Variants in LGSN observed in about 807,000 individuals in gnomAD.
The protein encoded by LGSN is lengsin.
Under a neutral mutation model 19.5 loss-of-function variants are expected in LGSN, and 21 were observed. The ratio of observed to expected loss-of-function variants is 1.07; its 90% confidence interval spans 0.76 to 1.55. The LOEUF is 1.55. Ranked by LOEUF, LGSN falls within the 40% of genes most tolerant of loss-of-function variation. The pLI, the probability that LGSN is intolerant of heterozygous loss-of-function variation, is 0.00. For missense variants in LGSN, 673 were observed against 608.5 expected (o/e 1.11, Z -1.12); for synonymous variants, 257 against 215.6 (o/e 1.19, Z -1.68).
the LGSN span, among the ~76,000 whole-genome samples, chr6:63,377,481 A>T: frequency 6.6e-6 from 1 of 152,244 alleles, no homozygotes; most frequent in Non-Finnish European, 1.5e-5. Flanking sequence ...GTGCAAGGAT[A>T]AAGAAGCAGG....
chr6:63,359,977 G>A, the LGSN span, among the ~76,000 whole-genome samples: 1 of 152,176 alleles, frequency 6.6e-6, no homozygotes, highest in Non-Finnish European at 1.5e-5. Flanking sequence ...CTTTAAGAAT[G>A]TTGAATATTG....
At chr6:63,551,595 G>A in the LGSN span, among the ~76,000 whole-genome samples, 6 of 151,852 alleles carry the variant, frequency 4.0e-5, no homozygotes, top group Non-Finnish European at 7.4e-5. Context: ...GTGCAGGTTT[G>A]TTACATATGT....
At chr6:63,451,619 G>A in the LGSN span, among the ~76,000 whole-genome samples, 1 of 152,104 alleles carries the variant, frequency 6.6e-6, no homozygotes, top group Non-Finnish European at 1.5e-5. Flanking sequence ...TAGGAGGAGG[G>A]AGAGGATCAG....
the LGSN span, among the ~76,000 whole-genome samples, chr6:63,539,935 G>A: frequency 6.6e-6 from 1 of 152,156 alleles, no homozygotes; most frequent in East Asian, 1.9e-4. Context: ...GACAAACATT[G>A]GAAAGTTGGA....
the LGSN span, among the ~76,000 whole-genome samples, chr6:63,397,486 G>A: frequency 4.0e-5 from 6 of 151,796 alleles, no homozygotes; most frequent in African/African-American, 1.2e-4. Flanking sequence ...GCAAAAGCTG[G>A]GATTATATGG....
the LGSN span, among the ~76,000 whole-genome samples, chr6:63,511,057 A>G: frequency 2.2e-3 from 338 of 152,224 alleles, 3 homozygotes; most frequent in Admixed American, 0.019. Context: ...AAGGAGATCA[A>G]TGGTGCTATG....
At chr6:63,517,944 G>C in the LGSN span, among the ~76,000 whole-genome samples, 3 of 152,132 alleles carry the variant, frequency 2.0e-5, no homozygotes, top group Non-Finnish European at 4.4e-5. Flanking sequence ...CCTGAGGTCA[G>C]GAGTTCAAGA....
At chr6:63,312,471 T>C (rs1469250116) in intron 1 of LGSN, among the ~76,000 whole-genome samples, 1 of 152,236 alleles carries the variant, frequency 6.6e-6, no homozygotes, top group Non-Finnish European at 1.5e-5. Flanking sequence ...AATTATATAG[T>C]ATCCCTTTGG....
At chr6:63,361,764 G>T in the LGSN span, among the ~76,000 whole-genome samples, 1 of 152,028 alleles carries the variant, frequency 6.6e-6, no homozygotes, top group Non-Finnish European at 1.5e-5. Flanking sequence ...GGGAGCTGTG[G>T]GCTGGAGCTG....
At chr6:63,444,868 T>C in the LGSN span, among the ~76,000 whole-genome samples, 1 of 152,190 alleles carries the variant, frequency 6.6e-6, no homozygotes, top group Non-Finnish European at 1.5e-5. Context: ...TGACTGTGCT[T>C]GAGTCCAATT....
chr6:63,512,551 C>T, the LGSN span, among the ~76,000 whole-genome samples: 1 of 152,312 alleles, frequency 6.6e-6, no homozygotes, highest in East Asian at 1.9e-4. Flanking sequence ...ACAGAATTAG[C>T]TCCGTTGGCC....
chr6:63,281,750 C>T (rs1767330272), intron 3 of LGSN, among the ~76,000 whole-genome samples: 1 of 152,150 alleles, frequency 6.6e-6, no homozygotes, highest in Non-Finnish European at 1.5e-5. Flanking sequence ...GCACATTTGT[C>T]CTAACACCAG....
At chr6:63,532,550 A>G in the LGSN span, among the ~76,000 whole-genome samples, 1 of 152,130 alleles carries the variant, frequency 6.6e-6, no homozygotes, top group East Asian at 1.9e-4. Context: ...AACCAGGTAA[A>G]TAAATGCCAT....
the LGSN span, among the ~76,000 whole-genome samples, chr6:63,433,883 T>G: frequency 5.3e-5 from 8 of 152,308 alleles, no homozygotes; most frequent in African/African-American, 1.9e-4. Flanking sequence ...TTGTATACTT[T>G]CCCATCCAGC....
At chr6:63,289,430 A>G (rs1308776420) in intron 2 of LGSN, among the ~76,000 whole-genome samples, 1 of 152,144 alleles carries the variant, frequency 6.6e-6, no homozygotes, top group Non-Finnish European at 1.5e-5. Context: ...CCTTTTGGTC[A>G]GCCTTTCCCA....
At chr6:63,361,579 G>T in the LGSN span, among the ~76,000 whole-genome samples, 1 of 152,130 alleles carries the variant, frequency 6.6e-6, no homozygotes, top group Non-Finnish European at 1.5e-5. Context: ...CTAGGAAAGG[G>T]AATTCCCTGA....
chr6:63,291,867 G>T (rs1177649467), intron 2 of LGSN, among the ~76,000 whole-genome samples: 1 of 152,150 alleles, frequency 6.6e-6, no homozygotes, highest in Non-Finnish European at 1.5e-5. Context: ...TGTAATTAAG[G>T]TTATGGACCT....
chr6:63,378,814 C>T, the LGSN span, among the ~76,000 whole-genome samples: 2 of 152,152 alleles, frequency 1.3e-5, no homozygotes, highest in African/African-American at 2.4e-5. Flanking sequence ...TCTCACAGTC[C>T]CCGCCTCTGA....
chr6:63,557,923 T>C, the LGSN span, among the ~76,000 whole-genome samples: 1 of 151,666 alleles, frequency 6.6e-6, no homozygotes, highest in Admixed American at 6.6e-5. Context: ...GGAGTCTTGC[T>C]CTGTCACCCA....
Sources: gnomAD v4.1 joint callset for allele counts (sites outside exome capture counted in the v4.1 genomes callset) on GRCh38, gnomAD v4.1.1 for gene constraint, MANE v1.5 for transcripts, NCBI Gene and HGNC (gene_info 2026-07-23, HGNC 2026-07-21) for gene names.